Variants in EPHA5 observed in about 807,000 individuals in gnomAD.
The protein encoded by EPHA5 is ephrin type-A receptor 5.
Under a neutral mutation model 105.0 loss-of-function variants are expected in EPHA5, and 60 were observed. That is an observed-to-expected ratio of 0.57 (90% CI 0.46 to 0.71). The LOEUF (loss-of-function observed/expected upper bound fraction) is 0.71, where lower values mean the gene tolerates loss of function less well. EPHA5 is among the 30% of genes least tolerant of loss of function. The probability of loss-of-function intolerance (pLI) is 0.00; values close to 1 mark genes in which losing one functional copy is unlikely to be tolerated. For synonymous variants in EPHA5, 513 were observed against 449.1 expected (o/e 1.14, Z -1.80); for missense variants, 1,218 against 1,274.7 (o/e 0.96, Z 0.68).
Position 65,404,439 on chromosome 4 carries a change from A to G in EPHA5, c.1728T>C (p.Ile576=). Residue 576 remains isoleucine (I), a synonymous_variant, in exon 8 of 17, where the codon ATT becomes ATC. Coordinates refer to ENST00000613740, the MANE Select transcript of EPHA5 (RefSeq NM_001281766.3). ...TGACTCCCACTGTCACAGACACAGCAATTACAGGAATCTGGCTTTGATCGC... is the reference window on the plus strand; with the variant it reads ...TGACTCCCACTGTCACAGACACAGCGATTACAGGAATCTGGCTTTGATCGC... ...ASSDQSQIPV[I]AVSVTVGVIL... 1 of 1,613,778 alleles carries G rather than the reference A, an allele frequency of 6.2e-7. No individual in the cohort carries two copies.
intron 4 of EPHA5, among the ~76,000 whole-genome samples, chr4:65,490,919 C>T (rs1032554732): frequency 2.6e-5 from 4 of 152,130 alleles, no homozygotes; most frequent in Admixed American, 2.6e-4. Flanking sequence ...ATTGTTATAA[C>T]ACTAGTTCAG....
intron 5 of EPHA5, among the ~76,000 whole-genome samples, chr4:65,451,631 T>C (rs1159588896): frequency 1.3e-5 from 2 of 152,116 alleles, no homozygotes; most frequent in African/African-American, 4.8e-5. Flanking sequence ...CTATAACAAG[T>C]TTTTATAACT....
chr4:65,414,133 A>G, intron 7 of EPHA5, 151 bp downstream of exon 7: 1 of 682,428 alleles, frequency 1.5e-6, no homozygotes, highest in Non-Finnish European at 2.5e-6. Flanking sequence ...CCATAATAGC[A>G]TGACAGATGC....
intron 3 of EPHA5, among the ~76,000 whole-genome samples, chr4:65,568,455 GACT>G (rs1425459005): frequency 6.6e-6 from 1 of 150,826 alleles, no homozygotes; most frequent in Non-Finnish European, 1.5e-5. Flanking sequence ...CATATATTTG[GACT>G]ATAATTTGAT....
intron 1 of EPHA5, among the ~76,000 whole-genome samples, chr4:65,659,319 G>GAAAAAAAAAAAAAAA (rs5858980): frequency 1.4e-5 from 1 of 71,602 alleles, no homozygotes; most frequent in African/African-American, 5.3e-5. Flanking sequence ...TAGAGTAACA[G>GAAAAAAAAAAAAAAA]AAAAAAAAAA....
At chr4:65,334,560 A>T (rs1720987433) in intron 15 of EPHA5, among the ~76,000 whole-genome samples, 1 of 151,750 alleles carries the variant, frequency 6.6e-6, no homozygotes, top group African/African-American at 2.4e-5. Context: ...ATAGGTAGGG[A>T]TGGAGAAAGG....
At chr4:65,397,401 G>C (rs931401381) in intron 8 of EPHA5, among the ~76,000 whole-genome samples, 1 of 152,006 alleles carries the variant, frequency 6.6e-6, no homozygotes, top group South Asian at 2.1e-4. Context: ...CTTGCTTACT[G>C]TTCTCACCTT....
At chr4:65,486,683 T>C (rs1730912193) in intron 5 of EPHA5, among the ~76,000 whole-genome samples, 10 of 152,238 alleles carry the variant, frequency 6.6e-5, no homozygotes, top group Admixed American at 5.2e-4. Context: ...ATTTAGGCAT[T>C]AAAAACTACT....
chr4:65,564,214 C>A (rs1035179864), intron 3 of EPHA5, among the ~76,000 whole-genome samples: 3 of 151,786 alleles, frequency 2.0e-5, no homozygotes, highest in African/African-American at 7.3e-5. Context: ...CCAGGAATAC[C>A]ACATAGACAC....
Position 65,342,373 on chromosome 4 carries a change from TAAG to T in EPHA5, c.2595+5678_2595+5680del, listed in dbSNP as rs549019287. Among the ~76,000 whole-genome samples the T allele has an allele frequency of 9.9e-5, 15 of 152,252 alleles. No homozygotes were observed. In the South Asian group the frequency reaches 3.1e-3, roughly 32 times the overall value. ...ATTTTAGATTACATAGCAATGAGGC[TAAG>T]GAGTCAAATAATTCGCTTACTGTCA... On this transcript the variant is annotated intron_variant, in intron 14 of 16. Coordinates refer to ENST00000613740, the MANE Select transcript of EPHA5 (RefSeq NM_001281766.3).
intron 16 of EPHA5, among the ~76,000 whole-genome samples, chr4:65,325,249 AC>A (rs1196283107): frequency 6.6e-6 from 1 of 151,390 alleles, no homozygotes; most frequent in Admixed American, 6.6e-5. Context: ...ATGACATTAG[AC>A]ATTAGAATAA....
chr4:65,391,043 G>A (rs985552338), intron 8 of EPHA5, among the ~76,000 whole-genome samples: 4 of 152,120 alleles, frequency 2.6e-5, no homozygotes, highest in South Asian at 4.2e-4. Context: ...TCATAAGGCA[G>A]CAGGAAGGAG....
chr4:65,662,607 A>G (rs13127871), intron 1 of EPHA5, among the ~76,000 whole-genome samples: 8,553 of 152,280 alleles, frequency 0.056, 318 homozygotes, highest in South Asian at 0.095. Context: ...TATGAAACAA[A>G]ATGAACTAGG....
chr4:65,611,361 C>T (rs1185929960), intron 2 of EPHA5, among the ~76,000 whole-genome samples: 1 of 151,872 alleles, frequency 6.6e-6, no homozygotes, highest in African/African-American at 2.4e-5. Flanking sequence ...GCTGTAAATT[C>T]TGTGGGGAAG....
intron 8 of EPHA5, among the ~76,000 whole-genome samples, chr4:65,375,786 T>TACACACACACACACAC (rs72454890): frequency 1.5e-5 from 2 of 132,414 alleles, no homozygotes; most frequent in South Asian, 2.4e-4. Flanking sequence ...CACACACACA[T>TACACACACACACACAC]ACACACACAC....
chr4:65,611,828 T>C (rs954977529), intron 2 of EPHA5, among the ~76,000 whole-genome samples: 6 of 151,844 alleles, frequency 4.0e-5, no homozygotes, highest in African/African-American at 9.7e-5. Flanking sequence ...CTTTCTCAAA[T>C]GTAAGTGGCT....
intron 5 of EPHA5, among the ~76,000 whole-genome samples, chr4:65,438,111 C>T (rs1027467491): frequency 4.6e-5 from 7 of 151,822 alleles, no homozygotes; most frequent in African/African-American, 7.2e-5. Context: ...TTATTTTAAT[C>T]GCTGGCAAAA....
At chr4:65,497,171 C>T (rs149179551) in intron 3 of EPHA5, among the ~76,000 whole-genome samples, 31 of 152,148 alleles carry the variant, frequency 2.0e-4, no homozygotes, top group African/African-American at 6.3e-4. Context: ...TGAAGTATGA[C>T]GCATATTTGC....
intron 3 of EPHA5, among the ~76,000 whole-genome samples, chr4:65,528,186 A>G (rs940759032): frequency 5.3e-5 from 8 of 152,166 alleles, no homozygotes; most frequent in Admixed American, 5.2e-4. Context: ...TTTGCAAAAT[A>G]TAATTATAAA....
Sources: gnomAD v4.1 joint callset for allele counts (sites outside exome capture counted in the v4.1 genomes callset) on GRCh38, gnomAD v4.1.1 for gene constraint, MANE v1.5 for transcripts, NCBI Gene and HGNC (gene_info 2026-07-23, HGNC 2026-07-21) for gene names.